XRCC1: variants seen among roughly 807,000 people sequenced by gnomAD.
The protein encoded by XRCC1 is X-ray repair cross complementing 1, also known as DNA repair protein XRCC1.
In XRCC1, 52 loss-of-function variants were observed where a neutral mutation model predicts 83.3. The observed-to-expected ratio is 0.62, with a 90% CI of 0.50 to 0.79. The LOEUF (loss-of-function observed/expected upper bound fraction) is 0.79. Among genes scored for constraint, XRCC1 ranks in the 30% least tolerant of loss-of-function variants. The pLI is 0.00. For missense variants in XRCC1, 793 were observed against 823.5 expected, an observed-to-expected ratio of 0.96 and a Z score of 0.45; for synonymous variants, 281 against 312.6, an observed-to-expected ratio of 0.90 and a Z score of 1.07.
Position 43,551,923 on chromosome 19 carries a change from C to A in XRCC1, c.1082+94G>T. The A allele has an allele frequency of 3.0e-6, 4 of 1,355,162 alleles. No individual in the cohort carries two copies. In the South Asian group the frequency reaches 4.9e-5, roughly 17 times the overall value. The allele number at this position is 1,355,162 out of a possible 1,614,324, so 83.9% of individuals were successfully genotyped here. On this transcript the variant is annotated intron_variant, in intron 9 of 16. Transcript: ENST00000262887. The stretch of plus-strand genomic sequence containing the variant: ...GCAAGTGAGAGAGAGAGAAAGCATG[C>A]AGCATAGTGGACACAGAGAAAGCAC...
intron 3 of XRCC1, chr19:43,555,008 A>T: frequency 2.2e-6 from 1 of 458,994 alleles, no homozygotes; most frequent in South Asian, 4.2e-5. Flanking sequence ...GGATCTCTTT[A>T]TCCTCCAGAT....
At chr19:43,547,075 T>A in intron 10 of XRCC1, 98 bp from the exon 11 acceptor site, 1 of 1,149,592 alleles carries the variant, frequency 8.7e-7, no homozygotes, top group Non-Finnish European at 1.3e-6. Flanking sequence ...ATACTCACTC[T>A]AGTGGGCCTC....
At chr19:43,545,520 G>A (rs1457890015) in intron 14 of XRCC1, among the ~76,000 whole-genome samples, 2 of 152,170 alleles carry the variant, frequency 1.3e-5, no homozygotes, top group African/African-American at 4.8e-5. Flanking sequence ...CTAGCATGAG[G>A]GTGGGGCCCT....
At chr19:43,554,878 A>G in intron 3 of XRCC1, 74 bp from the exon 4 acceptor site, 1 of 1,518,840 alleles carries the variant, frequency 6.6e-7, no homozygotes, top group Non-Finnish European at 9.0e-7. Flanking sequence ...GGGCTGGGGA[A>G]GAGGGCACAG....
chr19:43,560,808 A>T, intron 3 of XRCC1, 102 bp downstream of exon 3: 1 of 942,676 alleles, frequency 1.1e-6, no homozygotes, highest in Non-Finnish European at 1.7e-6. Context: ...GGTGTGACTC[A>T]CATCTGCCCC....
At chr19:43,570,766 G>A (rs1172526724) in intron 2 of XRCC1, among the ~76,000 whole-genome samples, 1 of 152,210 alleles carries the variant, frequency 6.6e-6, no homozygotes, top group African/African-American at 2.4e-5. Flanking sequence ...ACCTGGGCAA[G>A]AGAGTGAGAC....
intron 3 of XRCC1, among the ~76,000 whole-genome samples, chr19:43,558,108 T>C (rs1194381671): frequency 6.6e-6 from 1 of 152,246 alleles, no homozygotes; most frequent in Non-Finnish European, 1.5e-5. Context: ...TGGGATTTTC[T>C]GCATAGACAA....
chr19:43,554,968 G>A (rs904295997), intron 3 of XRCC1, 164 bp from the exon 4 acceptor site: 8 of 684,238 alleles, frequency 1.2e-5, no homozygotes, highest in Non-Finnish European at 1.9e-5. Flanking sequence ...TAGGCCTTGA[G>A]TCAGTCCTGC....
chr19:43,554,635 A>T lies in XRCC1; in HGVS notation c.414+11T>A, dbSNP rs772635554. 2 of 1,602,172 alleles carry T rather than the reference A, an allele frequency of 1.2e-6. No individual in the cohort carries two copies. The highest frequency in any genetic ancestry group is 1.7e-5 in the Admixed American group (1 of 58,554). ...CCAAGGACTCTGCACCCTGGCTCCC[A>T]CCCTAGGTACCTTGCTGTAGGGCTG... is the stretch of plus-strand genomic sequence containing the variant. On this transcript the variant is annotated intron_variant, in intron 4 of 16. Coordinates refer to ENST00000262887, the MANE Select transcript of XRCC1 (RefSeq NM_006297.3).
intron 10 of XRCC1, among the ~76,000 whole-genome samples, chr19:43,549,489 G>C (rs1441010737): frequency 6.6e-6 from 1 of 152,176 alleles, no homozygotes; most frequent in East Asian, 1.9e-4. Context: ...TCAAACTCCT[G>C]ATGTCACGTG....
At chr19:43,548,636 G>C (rs1405627712) in intron 10 of XRCC1, among the ~76,000 whole-genome samples, 2 of 152,122 alleles carry the variant, frequency 1.3e-5, no homozygotes, top group African/African-American at 2.4e-5. Flanking sequence ...CAAACACTGC[G>C]GAAGGCCGCA....
chr19:43,567,553 C>T (rs1568518345), intron 2 of XRCC1, among the ~76,000 whole-genome samples: 1 of 152,202 alleles, frequency 6.6e-6, no homozygotes, highest in Non-Finnish European at 1.5e-5. Flanking sequence ...CTCAAGCAAT[C>T]CACCCGCCTT....
chr19:43,564,568 C>T (rs929725392), intron 2 of XRCC1, among the ~76,000 whole-genome samples: 43 of 152,216 alleles, frequency 2.8e-4, no homozygotes, highest in African/African-American at 9.4e-4. Context: ...GCAGGCGGAT[C>T]ACCTGAGGTA....
chr19:43,556,557 A>C (rs1036143537), intron 3 of XRCC1, among the ~76,000 whole-genome samples: 8 of 152,218 alleles, frequency 5.3e-5, no homozygotes, highest in African/African-American at 1.4e-4. Context: ...TAATCCCAGC[A>C]CTTTGGGAGG....
At chr19:43,548,783 A>G (rs1263989368) in intron 10 of XRCC1, among the ~76,000 whole-genome samples, 1 of 144,608 alleles carries the variant, frequency 6.9e-6, no homozygotes, top group African/African-American at 2.7e-5. Context: ...AAAAAAAAAA[A>G]AAACACAACA....
At chr19:43,573,788 T>A (rs970810443) in intron 2 of XRCC1, among the ~76,000 whole-genome samples, 3 of 151,206 alleles carry the variant, frequency 2.0e-5, no homozygotes, top group African/African-American at 7.3e-5. Context: ...GGTGGGAGGA[T>A]CGCTTGAGCC....
At chr19:43,562,287 G>C (rs922016270) in intron 2 of XRCC1, among the ~76,000 whole-genome samples, 2 of 152,114 alleles carry the variant, frequency 1.3e-5, no homozygotes, top group African/African-American at 4.8e-5. Context: ...GCTATCAACA[G>C]GAACACCACT....
At chr19:43,544,847 G>A (rs1972493087) in intron 14 of XRCC1, among the ~76,000 whole-genome samples, 1 of 151,470 alleles carries the variant, frequency 6.6e-6, no homozygotes. Flanking sequence ...GGGGTCGGGG[G>A]GGGTCTCACT....
Position 43,553,440 on chromosome 19 carries a change from C to G in XRCC1, c.562G>C (p.Gly188Arg), listed in dbSNP as rs1407576465. Reference protein sequence around the residue: ...EDESANSLRPGALFFSRINKT... With the variant: ...EDESANSLRPRALFFSRINKT... Reference sequence around the variant, plus strand: ...TTGATCCGGCTGAAGAAGAGAGCCCCCGGCCTCAGAGAGTTGGCGCTCTCA... The same window carrying G: ...TTGATCCGGCTGAAGAAGAGAGCCCGCGGCCTCAGAGAGTTGGCGCTCTCA... Residue 188 changes from glycine (G) to arginine (R), a missense_variant, in exon 6 of 17, where the codon GGG becomes CGG. Physicochemically the swap from Gly to Arg is moderately radical, Grantham distance 125 (BLOSUM62 -2). Coordinates refer to ENST00000262887, the MANE Select transcript of XRCC1 (RefSeq NM_006297.3). 6.2e-7 allele frequency: 1 copy of G among 1,614,192 alleles called. No homozygotes were observed.
Sources: allele counts gnomAD v4.1 joint callset (sites outside exome capture counted in the v4.1 genomes callset), GRCh38; gene constraint gnomAD v4.1.1; transcripts MANE v1.5; gene names NCBI Gene and HGNC (gene_info 2026-07-23, HGNC 2026-07-21).